The following WLS variants were observed in gnomAD, a reference collection of about 807,000 sequenced individuals.
WLS encodes Wnt ligand secretion mediator.
WLS carries 23 observed loss-of-function variants against 62.8 expected under a neutral mutation model. That is an observed-to-expected ratio of 0.37 (90% CI 0.26 to 0.52). WLS has a LOEUF of 0.52. Among genes scored for constraint, WLS ranks in the 20% least tolerant of loss-of-function variants. WLS has a pLI of 0.92. For synonymous variants in WLS, 246 were observed against 244.1 expected (o/e 1.01, Z -0.07); for missense variants, 615 against 697.3 (o/e 0.88, Z 1.33).
intron 2 of WLS, among the ~76,000 whole-genome samples, chr1:68,171,009 G>A (rs566209702): frequency 6.6e-6 from 1 of 152,058 alleles, no homozygotes; most frequent in Non-Finnish European, 1.5e-5. Flanking sequence ...CAAGTGGTTT[G>A]CTCTATATTT....
chr1:68,121,592 C>G (rs1449920393), downstream of WLS, among the ~76,000 whole-genome samples: 1 of 152,164 alleles, frequency 6.6e-6, no homozygotes, highest in Non-Finnish European at 1.5e-5. Context: ...GATGGAGAGA[C>G]AGCCTGCAGA....
intron 7 of WLS, 33 bp downstream of exon 7, chr1:68,148,530 G>A (rs1316491930): frequency 1.9e-6 from 3 of 1,604,046 alleles, no homozygotes; most frequent in Non-Finnish European, 2.6e-6. Flanking sequence ...GTGATGCACA[G>A]TTTGGCTCAG....
intron 5 of WLS, among the ~76,000 whole-genome samples, chr1:68,151,828 G>A (rs1300274941): frequency 1.3e-5 from 2 of 152,156 alleles, no homozygotes; most frequent in African/African-American, 4.8e-5. Context: ...AAAGCCAGTG[G>A]AGAGCTTTGA....
At chr1:68,156,732 C>T (rs998810700) in intron 3 of WLS, among the ~76,000 whole-genome samples, 1 of 152,158 alleles carries the variant, frequency 6.6e-6, no homozygotes, top group Non-Finnish European at 1.5e-5. Context: ...ACCTCAGCTG[C>T]AGGTCAGATG....
intron 1 of WLS, among the ~76,000 whole-genome samples, chr1:68,221,843 A>T (rs1649954257): frequency 6.6e-6 from 1 of 152,214 alleles, no homozygotes. Context: ...ACAGTATAAT[A>T]CTTGCACCAC....
At chr1:68,184,059 T>C (rs1647758822) in intron 2 of WLS, among the ~76,000 whole-genome samples, 1 of 152,142 alleles carries the variant, frequency 6.6e-6, no homozygotes, top group Non-Finnish European at 1.5e-5. Context: ...CCCTTCATCA[T>C]TTACCAATAT....
At chr1:68,169,147 C>T (rs920752710) in intron 2 of WLS, among the ~76,000 whole-genome samples, 26 of 152,218 alleles carry the variant, frequency 1.7e-4, no homozygotes, top group African/African-American at 6.0e-4. Context: ...CATTGCAAAA[C>T]TGGTTCCTTG....
In WLS at chr1:68,125,995, C is replaced by T. The variant is rs1170909587; in HGVS notation, c.*231G>A. 1 of 1,318,950 alleles carries T rather than the reference C, an allele frequency of 7.6e-7. No individual in the cohort carries two copies. Among genetic ancestry groups the T allele is most frequent in the African/African-American group, 1.5e-5 (1 of 67,104 alleles). The allele number at this position is 1,318,950 out of a possible 1,614,324, so 81.7% of individuals were successfully genotyped here. Reference sequence around the variant, plus strand: ...TTAACAATGATCACAGAAAATGTGTCATACCAGAGTTTTTGTTATCATACA... The same window carrying T: ...TTAACAATGATCACAGAAAATGTGTTATACCAGAGTTTTTGTTATCATACA... On this transcript the variant is annotated 3_prime_UTR_variant, in exon 12 of 12. Transcript: ENST00000262348.
exon 12 of WLS, chr1:68,098,620 T>C: frequency 6.2e-7 from 1 of 1,613,158 alleles, no homozygotes; most frequent in Non-Finnish European, 8.5e-7. Context: ...AAACATGTGT[T>C]GCCTTGTTGA....
intron 11 of WLS, among the ~76,000 whole-genome samples, chr1:68,119,763 G>A (rs1038910390): frequency 2.6e-5 from 4 of 152,236 alleles, no homozygotes; most frequent in African/African-American, 2.4e-5. Flanking sequence ...TTTAGGAGGA[G>A]CCCAGGCTAA....
downstream of WLS, among the ~76,000 whole-genome samples, chr1:68,123,086 C>T (rs1420821596): frequency 2.6e-5 from 4 of 152,180 alleles, no homozygotes; most frequent in Non-Finnish European, 5.9e-5. Flanking sequence ...ACTTAGTTCA[C>T]TTCCCTGCGG....
chr1:68,109,772 T>C (rs76644206), intron 11 of WLS, among the ~76,000 whole-genome samples: 3 of 152,046 alleles, frequency 2.0e-5, no homozygotes, highest in African/African-American at 7.2e-5. Context: ...ATACAGCTCA[T>C]TTTACTACCT....
At chr1:68,186,078 G>A (rs1235131177) in intron 2 of WLS, among the ~76,000 whole-genome samples, 1 of 152,154 alleles carries the variant, frequency 6.6e-6, no homozygotes. Context: ...GAGATTCCAA[G>A]AATTTTAGAA....
chr1:68,178,737 C>T (rs1005030973), intron 2 of WLS, among the ~76,000 whole-genome samples: 3 of 148,572 alleles, frequency 2.0e-5, no homozygotes, highest in African/African-American at 7.5e-5. Flanking sequence ...AAAGAGAAAA[C>T]TAAACAAAAG....
chr1:68,158,621 T>C (rs774830889), intron 3 of WLS, among the ~76,000 whole-genome samples: 1 of 151,764 alleles, frequency 6.6e-6, no homozygotes, highest in Non-Finnish European at 1.5e-5. Flanking sequence ...AAAGAAATTA[T>C]AATGTTTTAA....
At chr1:68,193,195 C>G (rs1648436678) in intron 2 of WLS, among the ~76,000 whole-genome samples, 1 of 151,506 alleles carries the variant, frequency 6.6e-6, no homozygotes, top group African/African-American at 2.4e-5. Context: ...TTTAACACAT[C>G]TTTTTCCCTT....
intron 11 of WLS, among the ~76,000 whole-genome samples, chr1:68,104,065 T>C (rs1389585628): frequency 6.6e-6 from 1 of 152,054 alleles, no homozygotes; most frequent in Non-Finnish European, 1.5e-5. Context: ...TCCAGACCGT[T>C]GAAGAGTCCC....
chr1:68,121,791 G>A (rs138955414), downstream of WLS, among the ~76,000 whole-genome samples: 116 of 152,276 alleles, frequency 7.6e-4, no homozygotes, highest in South Asian at 5.0e-3. Context: ...AGAGAGAGAT[G>A]GGGATTAGTC....
At chr1:68,119,722 T>C (rs762219372) in intron 11 of WLS, among the ~76,000 whole-genome samples, 4 of 152,234 alleles carry the variant, frequency 2.6e-5, no homozygotes, top group Non-Finnish European at 4.4e-5. Context: ...AGCCAGCTAC[T>C]TGCACACAAA....
Sources: allele counts gnomAD v4.1 joint callset (sites outside exome capture counted in the v4.1 genomes callset), GRCh38; gene constraint gnomAD v4.1.1; transcripts MANE v1.5; gene names NCBI Gene and HGNC (gene_info 2026-07-23, HGNC 2026-07-21).